The following ZNF564 variants were observed in gnomAD, a reference collection of about 807,000 sequenced individuals.
The protein encoded by ZNF564 is zinc finger protein 564.
Under a neutral mutation model 10.5 loss-of-function variants are expected in ZNF564, and 5 were observed. That is an observed-to-expected ratio of 0.48 (90% CI 0.25 to 1.00). The LOEUF (loss-of-function observed/expected upper bound fraction) is 1.00, where lower values mean the gene tolerates loss of function less well. ZNF564 is among the 50% of genes least tolerant of loss of function. The probability of loss-of-function intolerance (pLI) is 0.16; values close to 1 mark genes in which losing one functional copy is unlikely to be tolerated. For missense variants in ZNF564, 603 were observed against 669.7 expected, an observed-to-expected ratio of 0.90 and a Z score of 1.10; for synonymous variants, 242 against 218.1, an observed-to-expected ratio of 1.11 and a Z score of -0.97.
Position 12,527,728 on chromosome 19 carries a change from C to T in ZNF564, c.380G>A (p.Gly127Glu). Residue 127 changes from glycine (G) to glutamate (E), a missense_variant, in exon 4 of 4, where the codon GGA becomes GAA. Coordinates refer to ENST00000339282, the MANE Select transcript of ZNF564 (RefSeq NM_144976.4). ...SLSRHIRSHL[G>E]HKPYDYQEYG... ...TTCCTGATAGTCATATGGTTTGTGT[C>T]CAAGGTGAGATCTGATGTGCCTACT... 1 of 1,614,028 alleles carries T rather than the reference C, an allele frequency of 6.2e-7. No individual in the cohort carries two copies. The highest frequency in any genetic ancestry group is 8.5e-7 in the Non-Finnish European group (1 of 1,180,010).
At chr19:12,534,361 A>G (rs1292000909) in intron 1 of ZNF564, among the ~76,000 whole-genome samples, 1 of 152,242 alleles carries the variant, frequency 6.6e-6, no homozygotes, top group Non-Finnish European at 1.5e-5. Context: ...AAATTTAAAA[A>G]TTAAAGACTA....
chr19:12,532,074 G>A (rs2021812080), intron 1 of ZNF564, among the ~76,000 whole-genome samples: 1 of 152,102 alleles, frequency 6.6e-6, no homozygotes, highest in African/African-American at 2.4e-5. Context: ...GATAAGCCAG[G>A]TGCAGTGGCA....
chr19:12,534,008 G>A (rs1414586126), intron 1 of ZNF564, among the ~76,000 whole-genome samples: 1 of 151,930 alleles, frequency 6.6e-6, no homozygotes, highest in Non-Finnish European at 1.5e-5. Flanking sequence ...AAGAACATTT[G>A]ACAAAATCTA....
intron 1 of ZNF564, among the ~76,000 whole-genome samples, chr19:12,536,160 G>A (rs559734579): frequency 3.2e-4 from 49 of 152,162 alleles, no homozygotes; most frequent in Admixed American, 8.5e-4. Context: ...TGACTGAAAA[G>A]TAACTAATCA....
At chr19:12,531,435 C>T (rs377341404) in intron 1 of ZNF564, among the ~76,000 whole-genome samples, 28 of 152,066 alleles carry the variant, frequency 1.8e-4, no homozygotes, top group South Asian at 1.0e-3. Context: ...AGCATGTTGA[C>T]GCGCACCTGT....
In ZNF564 at chr19:12,533,727, C is replaced by CAAAAAAAAA. The variant is rs59631972; in HGVS notation, c.4-5040_4-5032dup. 6.9e-4 allele frequency among the ~76,000 whole-genome samples: 20 copies of CAAAAAAAAA among 29,170 alleles called. 3 individuals carry two copies. The highest frequency in any genetic ancestry group is 3.4e-3 in the African/African-American group (20 of 5,842). The allele number at this position is 29,170 out of a possible 152,430, so 19.1% of individuals were successfully genotyped here. A position where few individuals can be genotyped will look rare whatever the true frequency, so the allele number is the denominator to read the frequency against. On this transcript the variant is annotated intron_variant, in intron 1 of 3. Transcript: ENST00000339282. ...GGGCGACACAGCAGGCTGCTGTCTCCAAAAAAAAAAAAAAAAAAAAAAACA... is the reference window on the plus strand; with the variant it reads ...GGGCGACACAGCAGGCTGCTGTCTCCAAAAAAAAAAAAAAAAAAAAAAAAAAAAAAAACA...
chr19:12,532,425 C>T (rs556411175), intron 1 of ZNF564, among the ~76,000 whole-genome samples: 1 of 149,106 alleles, frequency 6.7e-6, no homozygotes, highest in Non-Finnish European at 1.5e-5. Context: ...GTCCCAGCTA[C>T]TCGGGAGGCT....
At chr19:12,547,325 G>A (rs2022173448) in intron 1 of ZNF564, among the ~76,000 whole-genome samples, 1 of 152,124 alleles carries the variant, frequency 6.6e-6, no homozygotes, top group South Asian at 2.1e-4. Flanking sequence ...AAAGTGCTGG[G>A]ATTATAGATG....
chr19:12,548,630 G>A (rs796885664), intron 1 of ZNF564: 4 of 554,392 alleles, frequency 7.2e-6, no homozygotes, highest in African/African-American at 3.7e-5. Flanking sequence ...GTCAGCCATC[G>A]CGGCTGGCAA....
intron 1 of ZNF564, among the ~76,000 whole-genome samples, chr19:12,533,931 C>T (rs543383994): frequency 1.4e-5 from 2 of 147,230 alleles, no homozygotes; most frequent in Admixed American, 6.8e-5. Context: ...ACTGATAAAC[C>T]TCTAGTCATG....
At chr19:12,545,877 G>C (rs2022142552) in intron 1 of ZNF564, among the ~76,000 whole-genome samples, 1 of 152,102 alleles carries the variant, frequency 6.6e-6, no homozygotes. Flanking sequence ...ACTCTTTCCT[G>C]GGGTAGGGAA....
At chr19:12,551,213 C>T (rs894141811) in intron 1 of ZNF564, 117 bp downstream of exon 1, 6 of 1,241,740 alleles carry the variant, frequency 4.8e-6, no homozygotes, top group Admixed American at 2.0e-5. Context: ...CGCCAGGGAA[C>T]TCGGGTCCCA....
Position 12,551,347 on chromosome 19 carries a change from G to C in ZNF564, c.-15C>G, listed in dbSNP as rs897583666. 1.9e-6 allele frequency: 3 copies of C among 1,603,848 alleles called. No individual in the cohort carries two copies. The highest frequency in any genetic ancestry group is 2.3e-5 in the East Asian group (1 of 44,238). ...ACACGCACCATTTCCTGGCTTCCAG[G>C]GTGTCCCGGGGTCCTGCCTACGGCT... On this transcript the variant is annotated 5_prime_UTR_variant, in exon 1 of 4. Coordinates refer to ENST00000339282, the MANE Select transcript of ZNF564 (RefSeq NM_144976.4).
intron 1 of ZNF564, chr19:12,529,895 A>G (rs2021766730): frequency 6.6e-6 from 1 of 151,450 alleles, no homozygotes; most frequent in Non-Finnish European, 1.5e-5. Context: ...GAGGAAGGAG[A>G]ATCGCTTGAG....
intron 1 of ZNF564, among the ~76,000 whole-genome samples, chr19:12,541,175 C>T (rs988781277): frequency 3.3e-4 from 50 of 151,696 alleles, no homozygotes; most frequent in African/African-American, 1.2e-3. Flanking sequence ...CACCTGAGCC[C>T]AGGAAGTCTA....
intron 1 of ZNF564, among the ~76,000 whole-genome samples, chr19:12,544,892 C>T (rs1257082719): frequency 6.6e-6 from 1 of 152,134 alleles, no homozygotes; most frequent in Non-Finnish European, 1.5e-5. Flanking sequence ...CCCACAGTCA[C>T]AAGGAAACCC....
intron 1 of ZNF564, among the ~76,000 whole-genome samples, chr19:12,540,888 T>C (rs967703027): frequency 4.6e-5 from 7 of 150,712 alleles, no homozygotes; most frequent in African/African-American, 1.5e-4. Flanking sequence ...GGCAGGCACC[T>C]GTAGTCCCAG....
In ZNF564 at chr19:12,528,291, C is replaced by A; in HGVS notation, c.191+13G>T. On this transcript the variant is annotated intron_variant, in intron 3 of 3. Transcript: ENST00000339282. The stretch of plus-strand genomic sequence containing the variant: ...AGAAGGAGACATTGCTTTATCTTGT[C>A]AGTGCAAATTACCTTAAAATTCTCC... 6.2e-7 allele frequency: 1 copy of A among 1,604,520 alleles called. No individual in the cohort carries two copies. The highest frequency in any genetic ancestry group is 1.1e-5 in the South Asian group (1 of 89,168).
chr19:12,529,119 CCAAA>C lies in ZNF564; in HGVS notation c.4-427_4-424del, dbSNP rs369915121. ...AGTCGACAAAACGATGTGGCAGTCT[CCAAA>C]CATTTATTTTATGATAAATAAATAT... On this transcript the variant is annotated intron_variant, in intron 1 of 3. Transcript: ENST00000339282. Among the ~76,000 whole-genome samples, 126 of 152,194 alleles carry C rather than the reference CCAAA, an allele frequency of 8.3e-4. 2 individuals carry two copies. The East Asian group carries it at 0.018, about 22-fold the overall frequency.
Sources: allele counts gnomAD v4.1 joint callset (sites outside exome capture counted in the v4.1 genomes callset), GRCh38; gene constraint gnomAD v4.1.1; transcripts MANE v1.5; gene names NCBI Gene and HGNC (gene_info 2026-07-23, HGNC 2026-07-21).